UNC13C: variants seen among roughly 807,000 people sequenced by gnomAD.
The protein encoded by UNC13C is protein unc-13 homolog C.
A neutral mutation model predicts 245.4 loss-of-function variants in UNC13C; 174 were observed. The ratio of observed to expected loss-of-function variants is 0.71; its 90% CI spans 0.63 to 0.80. The LOEUF is 0.80. UNC13C is among the 30% of genes least tolerant of loss of function. UNC13C has a pLI of 0.00. For missense variants in UNC13C, 2,829 were observed against 2,602.9 expected (o/e 1.09, Z -1.89); for synonymous variants, 992 against 895.1 (o/e 1.11, Z -1.93).
chr15:53,928,767 T>C, the UNC13C span, among the ~76,000 whole-genome samples: 178 of 152,312 alleles, frequency 1.2e-3, no homozygotes, highest in South Asian at 1.9e-3. Flanking sequence ...TTTCACAGAG[T>C]ACTGGGAGCT....
Position 54,138,978 on chromosome 15 carries a change from T to TTC in UNC13C, c.2984-4040_2984-4039insTC, listed in dbSNP as rs1555422093. 2.1e-4 allele frequency among the ~76,000 whole-genome samples: 30 copies of TTC among 141,216 alleles called. 1 individual carries two copies. Among genetic ancestry groups the TTC allele is most frequent in the African/African-American group, 8.2e-4 (30 of 36,776 alleles). The allele number at this position is 141,216 out of a possible 152,430, so 92.6% of individuals were successfully genotyped here. A position where few individuals can be genotyped will look rare whatever the true frequency, so the allele number is the denominator to read the frequency against. On this transcript the variant is annotated intron_variant, in intron 2 of 32. Coordinates refer to ENST00000260323, the MANE Select transcript of UNC13C (RefSeq NM_001080534.3). The stretch of plus-strand genomic sequence containing the variant: ...ATTTTTTTTTTTTTTTTTTTTTTTT[T>TTC]GAGACGGAGTCTCGCTTTGTCGCCA...
Position 54,567,879 on chromosome 15 carries a change from C to T in UNC13C, c.6038C>T (p.Ala2013Val), listed in dbSNP as rs1227547594. 1.9e-6 allele frequency: 3 copies of T among 1,598,316 alleles called. No homozygotes were observed. Among genetic ancestry groups the T allele is most frequent in the South Asian group, 1.1e-5 (1 of 88,456 alleles). Reference sequence around the variant, plus strand: ...CCAGATCTTCAGTCTCTGAGATATGCTCTCAGTCTTTATACCCAAACTACT... The same window carrying T: ...CCAGATCTTCAGTCTCTGAGATATGTTCTCAGTCTTTATACCCAAACTACT... ...KSPDLQSLRY[A>V]LSLYTQTTDA... Residue 2013 changes from alanine (A) to valine (V), a missense_variant, in exon 30 of 33, where the codon GCT (alanine) becomes GTT (valine). By Grantham distance (64) the Ala-to-Val change is moderately conservative. Transcript: ENST00000260323.
intron 1 of UNC13C, among the ~76,000 whole-genome samples, chr15:53,995,054 T>C (rs1287021760): frequency 6.6e-6 from 1 of 152,160 alleles, no homozygotes; most frequent in Non-Finnish European, 1.5e-5. Context: ...ATATTGCTTT[T>C]GTATATAAAT....
Position 54,414,963 on chromosome 15 carries a change from A to C in UNC13C, c.4848-19A>C. ...ATGCTTTTCTTCTTCATACACTAAT[A>C]CAATGTGTTTGGTTTTAGGTTTCCT... On this transcript the variant is annotated intron_variant, in intron 18 of 32. Coordinates refer to ENST00000260323, the MANE Select transcript of UNC13C (RefSeq NM_001080534.3). 1 of 1,602,502 alleles carries C rather than the reference A, an allele frequency of 6.2e-7. No individual in the cohort carries two copies. The highest frequency in any genetic ancestry group is 8.5e-7 in the Non-Finnish European group (1 of 1,172,254).
chr15:54,061,304 AC>A lies in UNC13C; in HGVS notation c.2983+45420del, dbSNP rs1374366203. 2.0e-5 allele frequency among the ~76,000 whole-genome samples: 3 copies of A among 152,290 alleles called. No homozygotes were observed. The East Asian group carries it at 5.8e-4, about 29-fold the overall frequency. ...CAGTGTCTGATTCTTGGTGGACCTC[AC>A]CTAAGACAGTGAATAATGTCTCTGC... On this transcript the variant is annotated intron_variant, in intron 2 of 32. Transcript: ENST00000260323.
chr15:54,272,799 G>A (rs540066323), intron 10 of UNC13C, among the ~76,000 whole-genome samples: 32 of 152,120 alleles, frequency 2.1e-4, no homozygotes, highest in Non-Finnish European at 4.6e-4. Flanking sequence ...GAATCTAAGG[G>A]TTTTATAATA....
At chr15:54,445,011 T>A (rs1395074275) in intron 19 of UNC13C, among the ~76,000 whole-genome samples, 1 of 125,784 alleles carries the variant, frequency 8.0e-6, no homozygotes, top group Non-Finnish European at 1.6e-5. Flanking sequence ...TTCCCCTTCC[T>A]GTGTCCAAGT....
the UNC13C span, among the ~76,000 whole-genome samples, chr15:53,910,313 T>C: frequency 6.9e-6 from 1 of 145,750 alleles, no homozygotes; most frequent in Non-Finnish European, 1.5e-5. Context: ...TACGTGGATG[T>C]GATTTGGTCA....
intron 2 of UNC13C, among the ~76,000 whole-genome samples, chr15:54,036,133 A>G (rs146203519): frequency 1.4e-4 from 22 of 152,286 alleles, no homozygotes; most frequent in African/African-American, 4.6e-4. Flanking sequence ...TTCATTCTCA[A>G]TGAACCTTAG....
rs78046704 is a variant in UNC13C, at chr15:54,316,615, A to G, written c.4269-5324A>G. ...CCAGCAGTCTATAAGCAGATTCATT[A>G]CTGCATATCCAAAGCTAATATAGCA... On this transcript the variant is annotated intron_variant, in intron 13 of 32. Transcript: ENST00000260323. Among the ~76,000 whole-genome samples, 252 of 152,066 alleles carry G rather than the reference A, an allele frequency of 1.7e-3. 1 individual carries two copies. The highest frequency in any genetic ancestry group is 5.4e-3 in the African/African-American group (224 of 41,548).
rs1566909403 is a variant in UNC13C at position 54,559,110 on chromosome 15, G to A, written c.5958+3598G>A. Among the ~76,000 whole-genome samples the A allele has an allele frequency of 2.0e-5, 3 of 152,004 alleles. No homozygotes were observed. In the South Asian group the frequency reaches 6.2e-4, roughly 31 times the overall value. ...TTTGGCTTCATGCAGTGGCAATACT[G>A]AGGTTTCTCCAAAAACAATAAACAT... On this transcript the variant is annotated intron_variant, in intron 29 of 32. Transcript: ENST00000260323.
chr15:54,042,192 A>G (rs1896834096), intron 2 of UNC13C, among the ~76,000 whole-genome samples: 2 of 152,214 alleles, frequency 1.3e-5, no homozygotes. Flanking sequence ...AAAATATCAC[A>G]ATACTTCAGA....
chr15:54,020,460 T>TG (rs1346089917), intron 2 of UNC13C, among the ~76,000 whole-genome samples: 11 of 136,838 alleles, frequency 8.0e-5, no homozygotes, highest in African/African-American at 3.2e-4. Context: ...TTTTTTTTTT[T>TG]TTTAATTAGA....
At chr15:54,535,891 T>A (rs1377527491) in intron 26 of UNC13C, among the ~76,000 whole-genome samples, 1 of 152,040 alleles carries the variant, frequency 6.6e-6, no homozygotes, top group East Asian at 1.9e-4. Flanking sequence ...ATCAAAAAGT[T>A]AGAAATTATC....
In UNC13C at chr15:54,623,928, A is replaced by G; in HGVS notation, c.6333A>G (p.Ser2111=). 6.2e-7 allele frequency: 1 copy of G among 1,613,240 alleles called. No individual in the cohort carries two copies. Among genetic ancestry groups the G allele is most frequent in the South Asian group, 1.1e-5 (1 of 91,066 alleles). Residue 2111 remains serine (S), a synonymous_variant, in exon 32 of 33, where the codon TCA becomes TCG. Transcript: ENST00000260323. The part of the protein sequence containing the change: ...QGTKTKSNTW[S]PKYNETFQFI... ...CAAAAACAAAAAGCAACACATGGTC[A>G]CCAAAGTACAATGAAACATTTCAGT...
chr15:54,486,250 AACAC>A lies in UNC13C; in HGVS notation c.4934-8322_4934-8319del, dbSNP rs59221050. On this transcript the variant is annotated intron_variant, in intron 19 of 32. Coordinates refer to ENST00000260323, the MANE Select transcript of UNC13C (RefSeq NM_001080534.3). ...CGTGGTGAAAACCCAGATCTATTAA[AACAC>A]ACACACACACACACACACACACACA... Among the ~76,000 whole-genome samples the A allele has an allele frequency of 9.8e-3, 1,296 of 132,018 alleles. 11 individuals carry two copies. Among genetic ancestry groups the A allele is most frequent in the African/African-American group, 0.024 (837 of 34,830 alleles). The allele number at this position is 132,018 out of a possible 152,430, so 86.6% of individuals were successfully genotyped here.
chr15:54,484,665 G>A (rs181077629), intron 19 of UNC13C, among the ~76,000 whole-genome samples: 24 of 152,156 alleles, frequency 1.6e-4, no homozygotes, highest in African/African-American at 5.8e-4. Context: ...CATCTCCTTA[G>A]TAAATAATAA....
intron 4 of UNC13C, among the ~76,000 whole-genome samples, chr15:54,200,202 A>G (rs1340115161): frequency 1.3e-5 from 2 of 152,110 alleles, no homozygotes; most frequent in Non-Finnish European, 2.9e-5. Flanking sequence ...TTCTAGACCT[A>G]AGAAAGGAGA....
At chr15:54,178,087 T>A (rs1425918833) in intron 4 of UNC13C, among the ~76,000 whole-genome samples, 1 of 152,164 alleles carries the variant, frequency 6.6e-6, no homozygotes, top group African/African-American at 2.4e-5. Flanking sequence ...ATTTTTCTTT[T>A]AAGCAGGAGA....
Sources: gnomAD v4.1 joint callset for allele counts (sites outside exome capture counted in the v4.1 genomes callset) on GRCh38, gnomAD v4.1.1 for gene constraint, MANE v1.5 for transcripts, NCBI Gene and HGNC (gene_info 2026-07-23, HGNC 2026-07-21) for gene names.